The following GNB1 variants were observed in gnomAD, a reference collection of about 807,000 sequenced individuals.
GNB1 encodes the protein guanine nucleotide-binding protein G(I)/G(S)/G(T) subunit beta-1.
A neutral mutation model predicts 42.9 loss-of-function variants in GNB1; 2 were observed. That is an observed-to-expected ratio of 0.05 (90% CI 0.02 to 0.15). GNB1 has a LOEUF of 0.15. GNB1 is among the 10% of genes least tolerant of loss of function. The probability of loss-of-function intolerance (pLI) is 1.00; values close to 1 mark genes in which losing one functional copy is unlikely to be tolerated. For missense variants in GNB1, 193 were observed against 462.2 expected (o/e 0.42, Z 5.34); for synonymous variants, 183 against 174.7 (o/e 1.05, Z -0.38).
chr1:1,802,494 A>C (rs914992655), intron 7 of GNB1, among the ~76,000 whole-genome samples: 2 of 152,146 alleles, frequency 1.3e-5, no homozygotes, highest in African/African-American at 4.8e-5. Context: ...ATAGGCTGGG[A>C]GTGGTGGCTC....
intron 3 of GNB1, chr1:1,825,093 G>T: frequency 3.6e-6 from 1 of 275,162 alleles, no homozygotes; most frequent in South Asian, 7.1e-5. Context: ...ATCACAGTCT[G>T]ATCAGTGGCC....
intron 1 of GNB1, among the ~76,000 whole-genome samples, chr1:1,878,311 G>A (rs1039983565): frequency 2.0e-5 from 3 of 152,172 alleles, no homozygotes; most frequent in Non-Finnish European, 4.4e-5. Context: ...TAAGGTTGTA[G>A]GGAATTTATT....
At chr1:1,792,696 C>CAAAAAAAAAAAAAAAAAAA (rs374752641) in intron 8 of GNB1, among the ~76,000 whole-genome samples, 1 of 102,810 alleles carries the variant, frequency 9.7e-6, no homozygotes, top group African/African-American at 3.6e-5. Context: ...GACTCTATCT[C>CAAAAAAAAAAAAAAAAAAA]AAAAAAAAAA....
chr1:1,866,087 C>G (rs533159003), intron 1 of GNB1, among the ~76,000 whole-genome samples: 138 of 152,230 alleles, frequency 9.1e-4, no homozygotes, highest in African/African-American at 3.2e-3. Context: ...TACAGGCATG[C>G]ACCACCACGG....
chr1:1,819,487 CTGGG>C (rs973131073), intron 3 of GNB1, among the ~76,000 whole-genome samples: 5 of 151,842 alleles, frequency 3.3e-5, no homozygotes, highest in Non-Finnish European at 7.4e-5. Context: ...TCCCAAAGTG[CTGGG>C]ATTACAGGCG....
intron 1 of GNB1, among the ~76,000 whole-genome samples, chr1:1,876,019 TAG>T (rs1207238690): frequency 6.6e-5 from 10 of 151,686 alleles, no homozygotes; most frequent in Admixed American, 1.3e-4. Flanking sequence ...AAAACAGAGG[TAG>T]AGAGTGACTC....
intron 7 of GNB1, among the ~76,000 whole-genome samples, chr1:1,797,620 T>G (rs1490422482): frequency 6.6e-6 from 1 of 152,148 alleles, no homozygotes; most frequent in Admixed American, 6.5e-5. Flanking sequence ...GTATTTTTAG[T>G]AGAGATGGGG....
chr1:1,873,447 T>C (rs1570746810), intron 1 of GNB1, among the ~76,000 whole-genome samples: 1 of 152,210 alleles, frequency 6.6e-6, no homozygotes, highest in African/African-American at 2.4e-5. Context: ...AACTGTTAAT[T>C]GCCCTTGCTA....
At chr1:1,845,836 C>G (rs1189446209) in intron 1 of GNB1, among the ~76,000 whole-genome samples, 107 of 81,034 alleles carry the variant, frequency 1.3e-3, no homozygotes, top group African/African-American at 3.1e-3. Context: ...CACACACACA[C>G]ACACACACAC....
chr1:1,885,848 G>A (rs1173711209), intron 1 of GNB1, among the ~76,000 whole-genome samples: 1 of 146,586 alleles, frequency 6.8e-6, no homozygotes, highest in Non-Finnish European at 1.5e-5. Flanking sequence ...GTGAGCCACC[G>A]TGCCCGGCCC....
Position 1,816,135 on chromosome 1 carries a change from C to G in GNB1, c.97-273G>C, listed in dbSNP as rs556102016. Reference sequence around the variant, plus strand: ...CCAGCCTTGAAGCACTTGCTGTTCCCTTCCTGCTTCCTTCCTCCTCTCCCT... The same window carrying G: ...CCAGCCTTGAAGCACTTGCTGTTCCGTTCCTGCTTCCTTCCTCCTCTCCCT... On this transcript the variant is annotated intron_variant, in intron 4 of 11. Coordinates refer to ENST00000378609, the MANE Select transcript of GNB1 (RefSeq NM_002074.5). Among the ~76,000 whole-genome samples the G allele has an allele frequency of 2.0e-5, 3 of 152,356 alleles. No individual in the cohort carries two copies. In the East Asian group the frequency reaches 5.8e-4, roughly 29 times the overall value.
chr1:1,857,865 T>C (rs775099678), intron 1 of GNB1, among the ~76,000 whole-genome samples: 17 of 152,162 alleles, frequency 1.1e-4, no homozygotes, highest in South Asian at 6.2e-4. Context: ...TTAACAATAA[T>C]AACTAATAAT....
chr1:1,800,728 G>A (rs1488773500), intron 7 of GNB1, among the ~76,000 whole-genome samples: 19 of 136,854 alleles, frequency 1.4e-4, no homozygotes, highest in East Asian at 2.1e-4. Context: ...CGTGCAAACT[G>A]CTAAAAACCA....
In GNB1 at chr1:1,785,958, A is replaced by T. The variant is rs1411503308; in HGVS notation, c.*1105T>A. On this transcript the variant is annotated 3_prime_UTR_variant, in exon 12 of 12. Coordinates refer to ENST00000378609, the MANE Select transcript of GNB1 (RefSeq NM_002074.5). ...TACAACTGTAAGAGGTTATTTCTTA[A>T]AAGAAAAAGAACACCTAAGGACTGA... The T allele has an allele frequency of 2.5e-6, 1 of 398,848 alleles. No homozygotes were observed. The highest frequency in any genetic ancestry group is 4.4e-6 in the Non-Finnish European group (1 of 226,078). 24.7% of individuals were successfully genotyped at this position (398,848 alleles called of 1,614,324 possible). A position where few individuals can be genotyped will look rare whatever the true frequency, so the allele number is the denominator to read the frequency against.
chr1:1,819,384 G>C (rs1646900387), intron 3 of GNB1, among the ~76,000 whole-genome samples: 1 of 151,982 alleles, frequency 6.6e-6, no homozygotes, highest in African/African-American at 2.4e-5. Flanking sequence ...CACCACACCG[G>C]CTAATTTAGT....
At chr1:1,841,258 G>A (rs1480668712) in intron 1 of GNB1, among the ~76,000 whole-genome samples, 1 of 151,682 alleles carries the variant, frequency 6.6e-6, no homozygotes, top group Non-Finnish European at 1.5e-5. Context: ...GCATGATCTT[G>A]GCTCACTGCA....
chr1:1,803,722 G>C (rs1570638972), intron 7 of GNB1, among the ~76,000 whole-genome samples: 3 of 152,194 alleles, frequency 2.0e-5, no homozygotes, highest in Admixed American at 2.0e-4. Flanking sequence ...AGCGGCTCAC[G>C]CCTATAATCC....
chr1:1,862,965 A>T (rs1193648744), intron 1 of GNB1, among the ~76,000 whole-genome samples: 2 of 152,148 alleles, frequency 1.3e-5, no homozygotes, highest in Non-Finnish European at 2.9e-5. Flanking sequence ...AAGAGGGAAA[A>T]CCAAACCTCA....
Position 1,886,049 on chromosome 1 carries a change from C to T in GNB1, c.-96+4771G>A, listed in dbSNP as rs1044418338. The stretch of plus-strand genomic sequence containing the variant: ...CATTCCGGCAGGGCACGGTGGCTCA[C>T]GCCTGTAATCCTAGAACTTTGGGAG... On this transcript the variant is annotated intron_variant, in intron 1 of 11. Coordinates refer to ENST00000378609, the MANE Select transcript of GNB1 (RefSeq NM_002074.5). Among the ~76,000 whole-genome samples the T allele has an allele frequency of 3.3e-5, 5 of 151,928 alleles. No homozygotes were observed. In the East Asian group the frequency reaches 5.9e-4, roughly 18 times the overall value.
Sources: gnomAD v4.1 joint callset for allele counts (sites outside exome capture counted in the v4.1 genomes callset) on GRCh38, gnomAD v4.1.1 for gene constraint, MANE v1.5 for transcripts, NCBI Gene and HGNC (gene_info 2026-07-23, HGNC 2026-07-21) for gene names.